The following GPN2 variants were observed in gnomAD, a reference collection of about 807,000 sequenced individuals.
The protein encoded by GPN2 is GPN-loop GTPase 2.
In GPN2, 27 loss-of-function variants were observed where a neutral mutation model predicts 30.1. The observed-to-expected ratio is 0.90, with a 90% CI of 0.66 to 1.24. The LOEUF (loss-of-function observed/expected upper bound fraction) is 1.24, where lower values mean the gene tolerates loss of function less well. Among genes scored for constraint, GPN2 ranks in the 50% most tolerant of loss-of-function variants. The pLI, the probability that GPN2 is intolerant of heterozygous loss-of-function variation, is 0.00. For missense variants in GPN2, 406 were observed against 405.4 expected (o/e 1.00, Z -0.01); for synonymous variants, 212 against 174.4 (o/e 1.22, Z -1.70).
At chr1:26,889,156 C>T (rs770464011) in intron 1 of GPN2, 31 bp from the exon 2 acceptor site, 8 of 1,591,008 alleles carry the variant, frequency 5.0e-6, no homozygotes, top group Non-Finnish European at 6.9e-6. Context: ...TGAGAGTGGC[C>T]TGGAGAAACA....
rs770982101 is a variant in GPN2 at position 26,889,931 on chromosome 1, A to G, written c.166T>C (p.Cys56Arg). The G allele has an allele frequency of 6.2e-7, 1 of 1,609,850 alleles. No individual in the cohort carries two copies. The highest frequency in any genetic ancestry group is 1.7e-5 in the Admixed American group (1 of 59,908). Residue 56 changes from cysteine to arginine, a missense_variant, in exon 1 of 5, where the codon TGT becomes CGT. Cys to Arg is a radical substitution (Grantham distance 180). Transcript: ENST00000374135. ...ACCAGCTCGCCCACGTCCACGGCAC[A>G]CTCGTACGGCAGCCCCTCGTTGGCC... ...DPANEGLPYE[C>R]AVDVGELVGL...
intron 3 of GPN2, among the ~76,000 whole-genome samples, 175 bp downstream of exon 3, chr1:26,885,798 C>T (rs1292836791): frequency 6.6e-6 from 1 of 152,000 alleles, no homozygotes; most frequent in Non-Finnish European, 1.5e-5. Context: ...CCAGGATGGT[C>T]TCGATCTCCT....
intron 4 of GPN2, among the ~76,000 whole-genome samples, chr1:26,882,675 G>T (rs113240820): frequency 0.063 from 9,548 of 152,260 alleles, 368 homozygotes; most frequent in Non-Finnish European, 0.086. Flanking sequence ...AGAGGGCCTG[G>T]ACTTTTCTGT....
rs754951334 is a variant in GPN2 at position 26,889,689 on chromosome 1, G to A, written c.408C>T (p.Leu136=). The A allele has an allele frequency of 1.3e-6, 2 of 1,575,048 alleles. No homozygotes were observed. The highest frequency in any genetic ancestry group is 2.7e-5 in the African/African-American group (2 of 74,300). Residue 136 remains leucine, a synonymous_variant, in exon 1 of 5, where the codon CTC becomes CTT. Transcript: ENST00000374135. ...GCCTCCCCGCCCTGAGACGCACCCTGAGGTCCCACTGCGCCATTTGGGAGA... is the reference window on the plus strand; with the variant it reads ...GCCTCCCCGCCCTGAGACGCACCCTAAGGTCCCACTGCGCCATTTGGGAGA... ...SIFSQMAQWD[L]RLTAVHLVDS... is the part of the protein sequence containing the mutation.
intron 3 of GPN2, among the ~76,000 whole-genome samples, chr1:26,884,528 T>C (rs1174696828): frequency 6.6e-6 from 1 of 152,166 alleles, no homozygotes; most frequent in Non-Finnish European, 1.5e-5. Flanking sequence ...TTTACACCTA[T>C]TGTACATGGT....
At chr1:26,884,039 C>CAAAAAAAA (rs373357961) in intron 4 of GPN2, 121 bp downstream of exon 4, 1 of 374,356 alleles carries the variant, frequency 2.7e-6, no homozygotes. Context: ...GACTCCATCT[C>CAAAAAAAA]AAAAAAAAAA....
chr1:26,877,653 C>T lies in GPN2; in HGVS notation c.*2024G>A, dbSNP rs149234345. 6.6e-6 allele frequency: 1 copy of T among 152,352 alleles called. No homozygotes were observed. Among genetic ancestry groups the T allele is most frequent in the East Asian group, 1.9e-4 (1 of 5,192 alleles). 9.4% of individuals were successfully genotyped at this position (152,352 alleles called of 1,614,324 possible). ...TTCCTCACTGTAACACGGGCAATGG[C>T]TTATTAATTCTCCCCATCCTGTCTA... On this transcript the variant is annotated 3_prime_UTR_variant, in exon 5 of 5. Coordinates refer to ENST00000374135, the MANE Select transcript of GPN2 (RefSeq NM_018066.4).
chr1:26,887,897 T>A (rs563667746), intron 2 of GPN2, among the ~76,000 whole-genome samples: 1 of 130,430 alleles, frequency 7.7e-6, no homozygotes, highest in East Asian at 2.3e-4. Context: ...TCACTCTTAT[T>A]GCCCAGGCTG....
At chr1:26,884,329 A>G (rs761759626) in intron 3 of GPN2, 39 bp from the exon 4 acceptor site, 1 of 1,582,418 alleles carries the variant, frequency 6.3e-7, no homozygotes, top group Admixed American at 1.9e-5. Flanking sequence ...TGAGTGAAAC[A>G]GAAGTATGTA....
chr1:26,889,717 A>C lies in GPN2; in HGVS notation c.380T>G (p.Ile127Ser). 1 of 1,597,150 alleles carries C rather than the reference A, an allele frequency of 6.3e-7. No homozygotes were observed. Among genetic ancestry groups the C allele is most frequent in the Non-Finnish European group, 8.5e-7 (1 of 1,169,792 alleles). ...LCTHHGALRS[I>S]FSQMAQWDLR... ...GTCCCACTGCGCCATTTGGGAGAAGATGCTGCGCAAGGCGCCGTGATGCGT... is the reference window on the plus strand; with the variant it reads ...GTCCCACTGCGCCATTTGGGAGAAGCTGCTGCGCAAGGCGCCGTGATGCGT... The change falls in exon 1 of 5, where the codon ATC becomes AGC. Residue 127 changes from isoleucine to serine, a missense_variant. Coordinates refer to ENST00000374135, the MANE Select transcript of GPN2 (RefSeq NM_018066.4).
Position 26,888,966 on chromosome 1 carries a change from T to C in GPN2, c.568+3A>G, listed in dbSNP as rs780008697. On this transcript the variant is annotated splice_donor_region_variant and intron_variant, in intron 2 of 4. Transcript: ENST00000374135. ...GCTCTTCGCCTGGAACAGAAGCTCT[T>C]ACCCAGCTTCCCATAATGCTCAATG... 1.7e-5 allele frequency: 28 copies of C among 1,613,960 alleles called. No homozygotes were observed. Among genetic ancestry groups the C allele is most frequent in the Non-Finnish European group, 2.0e-5 (24 of 1,179,904 alleles).
intron 4 of GPN2, among the ~76,000 whole-genome samples, chr1:26,880,532 C>T (rs1214372630): frequency 1.3e-5 from 2 of 152,118 alleles, no homozygotes; most frequent in Non-Finnish European, 2.9e-5. Context: ...GAAATGGTCT[C>T]GATCTCCTGA....
chr1:26,888,972 G>A lies in GPN2; in HGVS notation c.565C>T (p.Leu189=), dbSNP rs2081905487. ...CGCCTGGAACAGAAGCTCTTACCCA[G>A]CTTCCCATAATGCTCAATGAGGTCC... The part of the protein sequence containing the change: ...KMDLIEHYGK[L]AFNLDYYTEV... The change falls in exon 2 of 5, where the codon CTG becomes TTG. Residue 189 remains leucine (L), a synonymous_variant. Coordinates refer to ENST00000374135, the MANE Select transcript of GPN2 (RefSeq NM_018066.4). 6.2e-7 allele frequency: 1 copy of A among 1,614,056 alleles called. No individual in the cohort carries two copies. Among genetic ancestry groups the A allele is most frequent in the African/African-American group, 1.3e-5 (1 of 74,942 alleles).
Position 26,889,946 on chromosome 1 carries a change from C to G in GPN2, c.151G>C (p.Gly51Arg). The G allele has an allele frequency of 1.9e-6, 3 of 1,608,096 alleles. No individual in the cohort carries two copies. Among genetic ancestry groups the G allele is most frequent in the Non-Finnish European group, 1.7e-6 (2 of 1,179,304 alleles). ...TCCACGGCACACTCGTACGGCAGCC[C>G]CTCGTTGGCCGGGTCCAGGTTCACC... Reference protein sequence around the residue: ...AVVNLDPANEGLPYECAVDVG... With the variant: ...AVVNLDPANERLPYECAVDVG... Residue 51 changes from glycine to arginine, a missense_variant, in exon 1 of 5, where the codon GGG becomes CGG. Gly to Arg is a moderately radical substitution (Grantham distance 125). Coordinates refer to ENST00000374135, the MANE Select transcript of GPN2 (RefSeq NM_018066.4).
intron 1 of GPN2, 56 bp from the exon 2 acceptor site, chr1:26,889,181 C>T (rs1274413407): frequency 1.3e-5 from 18 of 1,416,038 alleles, no homozygotes; most frequent in Middle Eastern, 2.3e-4. Context: ...TCAGCATTCC[C>T]TCATGAGAAT....
rs1055999931 is a variant in GPN2, at chr1:26,877,475, T to C, written c.*2202A>G. The C allele has an allele frequency of 3.3e-5, 5 of 152,238 alleles. No individual in the cohort carries two copies. The highest frequency in any genetic ancestry group is 1.2e-4 in the African/African-American group (5 of 41,460). 9.4% of individuals were successfully genotyped at this position (152,238 alleles called of 1,614,324 possible). A position where few individuals can be genotyped will look rare whatever the true frequency, so the allele number is the denominator to read the frequency against. On this transcript the variant is annotated 3_prime_UTR_variant, in exon 5 of 5. Coordinates refer to ENST00000374135, the MANE Select transcript of GPN2 (RefSeq NM_018066.4). The stretch of plus-strand genomic sequence containing the variant: ...TCAGTAATACTTTACAGGTGCCTAA[T>C]TTCTTTCTCCTGATTGGCTGCAAAA...
In GPN2 at chr1:26,890,275, A is replaced by G; in HGVS notation, c.-179T>C. ...CAAAAGGAGATAACAGGCCGATACT[A>G]ACTAGACTAACTCGACTTCCGGACA... On this transcript the variant is annotated 5_prime_UTR_variant, in exon 1 of 5. Transcript: ENST00000374135. 2.0e-6 allele frequency: 1 copy of G among 510,554 alleles called. No homozygotes were observed. Among genetic ancestry groups the G allele is most frequent in the South Asian group, 3.8e-5 (1 of 26,414 alleles). 31.6% of individuals were successfully genotyped at this position (510,554 alleles called of 1,614,324 possible).
intron 2 of GPN2, 158 bp from the exon 3 acceptor site, chr1:26,886,291 T>A (rs763102374): frequency 1.6e-6 from 1 of 618,698 alleles, no homozygotes; most frequent in Non-Finnish European, 2.9e-6. Context: ...TGGTTTTACC[T>A]GCTGGCTCTG....
At chr1:26,888,886 G>C in intron 2 of GPN2, 83 bp downstream of exon 2, 1 of 1,404,858 alleles carries the variant, frequency 7.1e-7, no homozygotes, top group Non-Finnish European at 1.0e-6. Context: ...CAAGGCACCA[G>C]AGGCAGCTAC....
Sources: allele counts gnomAD v4.1 joint callset (sites outside exome capture counted in the v4.1 genomes callset), GRCh38; gene constraint gnomAD v4.1.1; transcripts MANE v1.5; gene names NCBI Gene and HGNC (gene_info 2026-07-23, HGNC 2026-07-21).